The following CNIH3 variants were observed in gnomAD, a reference collection of about 807,000 sequenced individuals.
The protein encoded by CNIH3 is cornichon family AMPA receptor auxiliary protein 3.
CNIH3 carries 14 observed loss-of-function variants against 24.1 expected under a neutral mutation model. That is an observed-to-expected ratio of 0.58 (90% CI 0.38 to 0.91). The LOEUF is 0.91. Among genes scored for constraint, CNIH3 ranks in the 40% least tolerant of loss-of-function variants. CNIH3 has a pLI of 0.00. For synonymous variants in CNIH3, 68 were observed against 73.8 expected, an observed-to-expected ratio of 0.92 and a Z score of 0.40; for missense variants, 178 against 196.8, an observed-to-expected ratio of 0.90 and a Z score of 0.57.
At chr1:224,555,009 G>C (rs1932992) in intron 3 of CNIH3, among the ~76,000 whole-genome samples, 3,627 of 152,232 alleles carry the variant, frequency 0.024, 145 homozygotes, top group African/African-American at 0.081. Flanking sequence ...TTATATCAGG[G>C]ACTTGAGCAT....
At chr1:224,600,926 C>T (rs564343895) in intron 3 of CNIH3, among the ~76,000 whole-genome samples, 3 of 152,262 alleles carry the variant, frequency 2.0e-5, no homozygotes, top group South Asian at 4.1e-4. Flanking sequence ...GGAAGGTGGC[C>T]GTCCACCTGC....
chr1:224,530,672 T>C (rs1679028209), intron 2 of CNIH3, among the ~76,000 whole-genome samples: 1 of 152,090 alleles, frequency 6.6e-6, no homozygotes, highest in Non-Finnish European at 1.5e-5. Context: ...TGATCTTGGC[T>C]CACTGCAACC....
At chr1:224,537,234 T>G (rs970388419), downstream of CNIH3, 17 of 152,238 alleles carry the variant, frequency 1.1e-4, no homozygotes, top group Non-Finnish European at 1.5e-4. Flanking sequence ...TGTAAGTTGA[T>G]AGCTGATCTT....
chr1:224,683,573 C>T (rs529332735), intron 2 of CNIH3, among the ~76,000 whole-genome samples: 7 of 152,324 alleles, frequency 4.6e-5, no homozygotes, highest in African/African-American at 1.7e-4. Context: ...CCATATGATG[C>T]GTCTCTCAAT....
chr1:224,734,723 C>T lies in CNIH3; in HGVS notation c.455+17C>T. 1.2e-6 allele frequency: 2 copies of T among 1,612,818 alleles called. No individual in the cohort carries two copies. The highest frequency in any genetic ancestry group is 1.7e-6 in the Non-Finnish European group (2 of 1,178,906). ...CCTTTACTGGTGAGTATCTGCCCCT[C>T]CTGGTGGTTTTGACTCCTGCAGCAA... On this transcript the variant is annotated intron_variant, in intron 5 of 5. Transcript: ENST00000272133.
intron 5 of CNIH3, among the ~76,000 whole-genome samples, chr1:224,586,872 G>A (rs973297603): frequency 5.3e-5 from 8 of 152,158 alleles, no homozygotes; most frequent in African/African-American, 9.7e-5. Context: ...GCCACAGGCC[G>A]AGGAAACTGG....
At chr1:224,539,906 T>C (rs1679446069), downstream of CNIH3, among the ~76,000 whole-genome samples, 1 of 152,226 alleles carries the variant, frequency 6.6e-6, no homozygotes, top group Non-Finnish European at 1.5e-5. Context: ...TTAATTGCCT[T>C]CCCTCCAGAT....
chr1:224,619,563 TTTGG>T (rs1299813895), intron 1 of CNIH3, among the ~76,000 whole-genome samples: 12 of 152,196 alleles, frequency 7.9e-5, no homozygotes, highest in African/African-American at 2.9e-4. Flanking sequence ...ATCACACTGA[TTTGG>T]TTCCTGAACA....
chr1:224,634,464 G>A (rs1683983001), intron 1 of CNIH3, among the ~76,000 whole-genome samples: 1 of 152,020 alleles, frequency 6.6e-6, no homozygotes, highest in African/African-American at 2.4e-5. Flanking sequence ...AGCTACTCAG[G>A]AGGCTGAGGC....
chr1:224,618,369 A>G (rs1397059274), intron 1 of CNIH3, among the ~76,000 whole-genome samples: 1 of 152,224 alleles, frequency 6.6e-6, no homozygotes, highest in Non-Finnish European at 1.5e-5. Context: ...CCTGAGACGA[A>G]TTCTTGGAGG....
At chr1:224,544,777 G>A (rs909935553) in intron 2 of CNIH3, among the ~76,000 whole-genome samples, 15 of 152,168 alleles carry the variant, frequency 9.9e-5, no homozygotes, top group African/African-American at 3.6e-4. Flanking sequence ...TATTGCTTTT[G>A]TCACTGCTGT....
upstream of CNIH3, among the ~76,000 whole-genome samples, chr1:224,515,427 T>A (rs1357866651): frequency 6.6e-6 from 1 of 152,234 alleles, no homozygotes; most frequent in African/African-American, 2.4e-5. Context: ...GCTAATATCT[T>A]GAGCACAATT....
chr1:224,550,975 T>C (rs1215424826), intron 3 of CNIH3, among the ~76,000 whole-genome samples: 3 of 151,770 alleles, frequency 2.0e-5, no homozygotes, highest in Non-Finnish European at 4.4e-5. Flanking sequence ...GTCCTTGCGA[T>C]AGTTTGCTGA....
chr1:224,435,619 T>C (rs1418555634), intron 1 of CNIH3: 1 of 152,194 alleles, frequency 6.6e-6, no homozygotes, highest in Non-Finnish European at 1.5e-5. Flanking sequence ...AACAGTTGCC[T>C]CCAAAATATG....
At chr1:224,730,621 C>T (rs1039669727) in intron 4 of CNIH3, 47 bp downstream of exon 4, 3 of 1,177,640 alleles carry the variant, frequency 2.5e-6, no homozygotes, top group Non-Finnish European at 3.7e-6. Context: ...TCTGCCAGGG[C>T]AGCCTGCTCT....
At chr1:224,460,419 G>T (rs747980744) in intron 1 of CNIH3, among the ~76,000 whole-genome samples, 7 of 152,158 alleles carry the variant, frequency 4.6e-5, no homozygotes, top group Non-Finnish European at 7.3e-5. Flanking sequence ...CCACTGAACT[G>T]CTTTCTGTCC....
At chr1:224,550,707 CT>C (rs553234641) in intron 3 of CNIH3, among the ~76,000 whole-genome samples, 11 of 152,044 alleles carry the variant, frequency 7.2e-5, no homozygotes, top group South Asian at 2.1e-4. Flanking sequence ...TATTTCTTTT[CT>C]TTTTTTTATT....
At chr1:224,725,753 C>G (rs1558339049) in intron 3 of CNIH3, among the ~76,000 whole-genome samples, 1 of 152,180 alleles carries the variant, frequency 6.6e-6, no homozygotes, top group Non-Finnish European at 1.5e-5. Context: ...CATCTTCTCC[C>G]TTCCCCTGGT....
intron 4 of CNIH3, among the ~76,000 whole-genome samples, chr1:224,578,782 T>G (rs1162382222): frequency 6.6e-6 from 1 of 152,240 alleles, no homozygotes; most frequent in African/African-American, 2.4e-5. Flanking sequence ...TTCTGATTCT[T>G]TATACTTTTG....
Sources: allele counts gnomAD v4.1 joint callset (sites outside exome capture counted in the v4.1 genomes callset), GRCh38; gene constraint gnomAD v4.1.1; transcripts MANE v1.5; gene names NCBI Gene and HGNC (gene_info 2026-07-23, HGNC 2026-07-21).